Variants in PTPRN2 observed in about 807,000 individuals in gnomAD.
The protein encoded by PTPRN2 is receptor-type tyrosine-protein phosphatase N2.
In PTPRN2, 74 loss-of-function variants were observed where a neutral mutation model predicts 118.8. The observed-to-expected ratio is 0.62, with a 90% CI of 0.52 to 0.76. The LOEUF (loss-of-function observed/expected upper bound fraction) is 0.76. Among genes scored for constraint, PTPRN2 ranks in the 30% least tolerant of loss-of-function variants. The pLI is 0.00. For missense variants in PTPRN2, 1,481 were observed against 1,394.4 expected (o/e 1.06, Z -0.99); for synonymous variants, 641 against 608.0 (o/e 1.05, Z -0.80).
chr7:158,485,355 C>G (rs1287451210), intron 2 of PTPRN2, among the ~76,000 whole-genome samples: 1 of 150,382 alleles, frequency 6.6e-6, no homozygotes, highest in Non-Finnish European at 1.5e-5. Flanking sequence ...CTGCGCCCCT[C>G]CTGCTCGGCC....
intron 2 of PTPRN2, among the ~76,000 whole-genome samples, chr7:158,378,720 T>G (rs7796141): frequency 0.98 from 149,069 of 152,282 alleles, 72,976 homozygotes; most frequent in East Asian, 1. Flanking sequence ...TCCAACTCAG[T>G]TGCTTTCTGG....
rs374754968 is a variant in PTPRN2, at chr7:158,194,492, C to T, written c.381-1997G>A. On this transcript the variant is annotated intron_variant, in intron 4 of 22. Transcript: ENST00000389418. ...CCTTCCCGCTGAGAGCCATGCTCAGCGATGACCAATCACTTCAGGTCCGAC... is the reference window on the plus strand; with the variant it reads ...CCTTCCCGCTGAGAGCCATGCTCAGTGATGACCAATCACTTCAGGTCCGAC... Among the ~76,000 whole-genome samples the T allele has an allele frequency of 1.4e-3, 211 of 152,342 alleles. 3 individuals are homozygous for T. The Middle Eastern group carries it at 0.027, about 20-fold the overall frequency.
At chr7:158,161,715 T>C (rs939994004) in intron 6 of PTPRN2, among the ~76,000 whole-genome samples, 9 of 152,122 alleles carry the variant, frequency 5.9e-5, no homozygotes, top group African/African-American at 2.2e-4. Context: ...AATCCATGAA[T>C]AAAATAATTG....
intron 11 of PTPRN2, among the ~76,000 whole-genome samples, chr7:157,937,757 G>A (rs909459298): frequency 3.3e-5 from 5 of 152,188 alleles, no homozygotes; most frequent in African/African-American, 1.2e-4. Flanking sequence ...AAGGATGAAT[G>A]GATTCATATT....
chr7:158,489,622 G>T, intron 2 of PTPRN2, 113 bp downstream of exon 2: 4 of 1,117,958 alleles, frequency 3.6e-6, no homozygotes, highest in South Asian at 1.7e-5. Context: ...TCGGCAGCGC[G>T]CCCCGGGCGG....
intron 1 of PTPRN2, among the ~76,000 whole-genome samples, chr7:158,552,758 T>A (rs917459211): frequency 3.9e-5 from 6 of 152,186 alleles, no homozygotes; most frequent in African/African-American, 1.4e-4. Flanking sequence ...GATACTTTCA[T>A]AATCAAAAAA....
At position 157,591,183 on chromosome 7, in the gene PTPRN2, G is replaced by A. The variant is rs980728979; in HGVS notation, c.2496+4055C>T. Among the ~76,000 whole-genome samples the A allele has an allele frequency of 2.0e-5, 3 of 152,072 alleles. No individual in the cohort carries two copies. Among genetic ancestry groups the A allele is most frequent in the Admixed American group, 6.6e-5 (1 of 15,266 alleles). On this transcript the variant is annotated intron_variant, in intron 17 of 22. Coordinates refer to ENST00000389418, the MANE Select transcript of PTPRN2 (RefSeq NM_002847.5). The surrounding 1 kb of genome is among the most constrained non-coding windows in gnomAD (Gnocchi z 4.4). ...GAGGCAGAGATGAGGGGGACACTTC[G>A]AATCCCCCAAGGAGTGCACGGGCCT...
chr7:158,174,827 C>A lies in PTPRN2; in HGVS notation c.550-7536G>T, dbSNP rs569525180. The stretch of plus-strand genomic sequence containing the variant: ...CTGATGCAGTTCACAGAGCCACGCC[C>A]TGCACCATACCCCTCACCTGTCAAA... On this transcript the variant is annotated intron_variant, in intron 5 of 22. Coordinates refer to ENST00000389418, the MANE Select transcript of PTPRN2 (RefSeq NM_002847.5). 1.1e-4 allele frequency among the ~76,000 whole-genome samples: 16 copies of A among 152,340 alleles called. No homozygotes were observed. The South Asian group carries it at 3.3e-3, about 32-fold the overall frequency.
At chr7:157,573,554 C>T (rs1362103848) in intron 19 of PTPRN2, among the ~76,000 whole-genome samples, 2 of 152,184 alleles carry the variant, frequency 1.3e-5, no homozygotes, top group African/African-American at 4.8e-5. Flanking sequence ...CAAACCAAAC[C>T]CCAAACCCCA....
At chr7:158,113,051 GC>G (rs1438465682) in intron 9 of PTPRN2, among the ~76,000 whole-genome samples, 1 of 151,558 alleles carries the variant, frequency 6.6e-6, no homozygotes, top group Non-Finnish European at 1.5e-5. Context: ...AGCATTGAGG[GC>G]CCCCCAACAT....
At chr7:157,976,294 C>T (rs1387085263) in intron 11 of PTPRN2, among the ~76,000 whole-genome samples, 3 of 152,316 alleles carry the variant, frequency 2.0e-5, no homozygotes, top group East Asian at 1.9e-4. Context: ...GCCTGGCAGC[C>T]GAGTTCCAGC....
At chr7:157,575,528 C>T (rs1233317633) in intron 19 of PTPRN2, among the ~76,000 whole-genome samples, 1 of 152,108 alleles carries the variant, frequency 6.6e-6, no homozygotes, top group Non-Finnish European at 1.5e-5. Flanking sequence ...ATTCAAATTA[C>T]AAAAAACTGC....
chr7:158,050,106 G>A (rs1585273840), intron 11 of PTPRN2, among the ~76,000 whole-genome samples: 1 of 152,170 alleles, frequency 6.6e-6, no homozygotes, highest in African/African-American at 2.4e-5. Flanking sequence ...TATATAACAA[G>A]CGTGTTCCTG....
intron 13 of PTPRN2, among the ~76,000 whole-genome samples, chr7:157,678,403 G>A (rs1796768027): frequency 6.6e-6 from 1 of 152,168 alleles, no homozygotes. Flanking sequence ...AATGCCTGAA[G>A]ATTAAACTCA....
intron 1 of PTPRN2, among the ~76,000 whole-genome samples, chr7:158,536,009 C>T (rs567271441): frequency 6.6e-6 from 1 of 150,618 alleles, no homozygotes; most frequent in Admixed American, 6.6e-5. Flanking sequence ...ACCAGAACCC[C>T]ACACATAACC....
At chr7:157,554,700 C>T (rs534780557) in intron 21 of PTPRN2, among the ~76,000 whole-genome samples, 1 of 152,268 alleles carries the variant, frequency 6.6e-6, no homozygotes, top group South Asian at 2.1e-4. Flanking sequence ...TGCAAACAGT[C>T]GAGGAGTCAG....
intron 1 of PTPRN2, among the ~76,000 whole-genome samples, chr7:158,514,836 G>A (rs1052714517): frequency 6.6e-6 from 1 of 152,200 alleles, no homozygotes; most frequent in Non-Finnish European, 1.5e-5. Flanking sequence ...AGCCATGGCT[G>A]ACTTCCAGAA....
At chr7:158,260,534 G>C (rs997132476) in intron 3 of PTPRN2, among the ~76,000 whole-genome samples, 8 of 152,216 alleles carry the variant, frequency 5.3e-5, no homozygotes, top group South Asian at 2.1e-4. Flanking sequence ...AGCCCAGAGG[G>C]CCTATAGAAT....
At chr7:158,287,098 T>C (rs570701562) in intron 3 of PTPRN2, among the ~76,000 whole-genome samples, 22 of 152,314 alleles carry the variant, frequency 1.4e-4, no homozygotes, top group Admixed American at 1.3e-3. Flanking sequence ...TTAGGGATTT[T>C]CCATTTCTTC....
Sources: gnomAD v4.1 joint callset for allele counts (sites outside exome capture counted in the v4.1 genomes callset) on GRCh38, gnomAD v4.1.1 for gene constraint, Gnocchi (gnomAD v3.1) non-coding constraint, MANE v1.5 for transcripts, NCBI Gene and HGNC (gene_info 2026-07-23, HGNC 2026-07-21) for gene names.